DLGAP2: variants seen among roughly 807,000 people sequenced by gnomAD.
The protein encoded by DLGAP2 is disks large-associated protein 2.
DLGAP2 carries 26 observed loss-of-function variants against 100.3 expected under a neutral mutation model. The observed-to-expected ratio is 0.26, with a 90% confidence interval of 0.19 to 0.36. The LOEUF (loss-of-function observed/expected upper bound fraction) is 0.36. Ranked by LOEUF, DLGAP2 falls within the 10% of genes least tolerant of loss-of-function variation. The probability of loss-of-function intolerance (pLI) is 1.00; values close to 1 mark genes in which losing one functional copy is unlikely to be tolerated. For missense variants in DLGAP2, 1,858 were observed against 1,453.2 expected (o/e 1.28, Z -4.53); for synonymous variants, 886 against 630.1 (o/e 1.41, Z -6.08).
At chr8:1,224,089 G>T (rs764461604) in intron 2 of DLGAP2, among the ~76,000 whole-genome samples, 1 of 152,168 alleles carries the variant, frequency 6.6e-6, no homozygotes, top group Admixed American at 6.5e-5. Flanking sequence ...TTGTGGCATC[G>T]TGGCAGACAG....
chr8:1,217,462 G>T (rs1330393983), intron 2 of DLGAP2, among the ~76,000 whole-genome samples: 1 of 152,104 alleles, frequency 6.6e-6, no homozygotes, highest in Non-Finnish European at 1.5e-5. Context: ...ATATTCTATT[G>T]GGTATATACC....
At chr8:1,494,825 C>T (rs1584953836) in intron 3 of DLGAP2, among the ~76,000 whole-genome samples, 1 of 152,246 alleles carries the variant, frequency 6.6e-6, no homozygotes, top group Non-Finnish European at 1.5e-5. Context: ...GAGCTCCAGC[C>T]ACGGGGTTGA....
At chr8:1,269,455 G>T (rs1291971420) in intron 3 of DLGAP2, among the ~76,000 whole-genome samples, 1 of 152,158 alleles carries the variant, frequency 6.6e-6, no homozygotes, top group Non-Finnish European at 1.5e-5. Context: ...TCCAGGGCTT[G>T]TGTTTACACA....
intron 6 of DLGAP2, among the ~76,000 whole-genome samples, chr8:1,583,796 C>T (rs1425349030): frequency 2.0e-5 from 3 of 152,064 alleles, no homozygotes; most frequent in Admixed American, 1.3e-4. Context: ...TGTTTGAGAC[C>T]CTCCACGCGC....
At position 1,527,808 on chromosome 8, in the gene DLGAP2, A is replaced by G. The variant is rs567781590; in HGVS notation, c.173-20818A>G. 9.3e-4 allele frequency among the ~76,000 whole-genome samples: 141 copies of G among 152,312 alleles called. 3 individuals carry two copies. The South Asian group carries it at 0.029, about 31-fold the overall frequency. ...ACAGTGCACGCGTTTAGCATCTCCC[A>G]GGACATGTGCTACCTGAAGCCCAAG... On this transcript the variant is annotated intron_variant, in intron 4 of 14. Transcript: ENST00000637795.
intron 2 of DLGAP2, among the ~76,000 whole-genome samples, chr8:1,078,069 G>C (rs1803683234): frequency 6.6e-6 from 1 of 152,088 alleles, no homozygotes; most frequent in Non-Finnish European, 1.5e-5. Context: ...ACCCGGTGAG[G>C]GTTACCTTCT....
chr8:1,522,631 G>A (rs1019136151), intron 4 of DLGAP2, among the ~76,000 whole-genome samples: 21 of 152,222 alleles, frequency 1.4e-4, no homozygotes, highest in Non-Finnish European at 2.6e-4. Flanking sequence ...TTAAGGGGAC[G>A]CCTGTAAAGT....
intron 8 of DLGAP2, among the ~76,000 whole-genome samples, chr8:1,634,547 C>G (rs1422047888): frequency 6.6e-6 from 1 of 152,220 alleles, no homozygotes; most frequent in Non-Finnish European, 1.5e-5. Flanking sequence ...GGCCAGTTCT[C>G]ATGCTCTGTC....
chr8:1,428,894 G>C (rs6558473), intron 3 of DLGAP2, among the ~76,000 whole-genome samples: 36,241 of 152,112 alleles, frequency 0.24, 4,475 homozygotes, highest in Middle Eastern at 0.31. Context: ...ACAGGACGTC[G>C]TCTCATGCCC....
chr8:894,965 G>A (rs1173966776), intron 1 of DLGAP2, among the ~76,000 whole-genome samples: 110 of 143,702 alleles, frequency 7.7e-4, no homozygotes, highest in Non-Finnish European at 1.4e-3. Flanking sequence ...GTGGGGTGGC[G>A]GATGGCAGGG....
Position 1,548,632 on chromosome 8 carries a change from A to T in DLGAP2, c.179A>T (p.Gln60Leu). ...CGTTTCTGTTTCCCCACAGACCCGCAGTACTCATGGTCGCCCACGCAGCAC... is the reference window on the plus strand; with the variant it reads ...CGTTTCTGTTTCCCCACAGACCCGCTGTACTCATGGTCGCCCACGCAGCAC... ...PGPAEEDLDP[Q>L]YSWSPTQHFN... Residue 60 changes from glutamine (Q) to leucine (L), a missense_variant, in exon 5 of 15, where the codon CAG (glutamine) becomes CTG (leucine). Gln to Leu is a moderately radical substitution (Grantham distance 113). Transcript: ENST00000637795. The T allele has an allele frequency of 6.5e-7, 1 of 1,535,732 alleles. No individual in the cohort carries two copies. Among genetic ancestry groups the T allele is most frequent in the Non-Finnish European group, 8.8e-7 (1 of 1,142,532 alleles).
chr8:1,241,289 C>G (rs1206677611), intron 2 of DLGAP2, among the ~76,000 whole-genome samples: 1 of 151,790 alleles, frequency 6.6e-6, no homozygotes, highest in Non-Finnish European at 1.5e-5. Flanking sequence ...GTGTCTCATT[C>G]TCTCACATGG....
intron 6 of DLGAP2, among the ~76,000 whole-genome samples, chr8:1,573,519 C>G (rs1325187414): frequency 6.6e-6 from 1 of 152,102 alleles, no homozygotes; most frequent in Non-Finnish European, 1.5e-5. Context: ...AGACCCCTGA[C>G]TGCCATCCGT....
intron 3 of DLGAP2, among the ~76,000 whole-genome samples, chr8:1,298,826 C>A (rs1002789826): frequency 6.6e-6 from 1 of 152,198 alleles, no homozygotes; most frequent in Admixed American, 6.5e-5. Flanking sequence ...CGTGGCAGCT[C>A]ATGAACAGGT....
chr8:1,233,338 C>A (rs1798576401), intron 2 of DLGAP2, among the ~76,000 whole-genome samples: 1 of 152,236 alleles, frequency 6.6e-6, no homozygotes, highest in African/African-American at 2.4e-5. Context: ...TGAGTCAGGC[C>A]TGGCCTGTGC....
chr8:856,805 G>A (rs60297169), intron 1 of DLGAP2, among the ~76,000 whole-genome samples: 3,758 of 152,314 alleles, frequency 0.025, 158 homozygotes, highest in African/African-American at 0.084. Flanking sequence ...TTTTCTTAAC[G>A]TGTTCTATAC....
At chr8:1,226,602 A>T (rs115824574) in intron 2 of DLGAP2, among the ~76,000 whole-genome samples, 1,536 of 152,308 alleles carry the variant, frequency 0.01, 30 homozygotes, top group African/African-American at 0.035. Flanking sequence ...TGTCGTGTAC[A>T]TGTATCCTGG....
intron 2 of DLGAP2, among the ~76,000 whole-genome samples, chr8:1,095,178 C>T (rs1487980100): frequency 6.6e-6 from 1 of 152,168 alleles, no homozygotes; most frequent in Non-Finnish European, 1.5e-5. Flanking sequence ...GATGAAGATG[C>T]CGTGGTCACC....
chr8:1,166,036 A>T (rs1465720102), intron 2 of DLGAP2, among the ~76,000 whole-genome samples: 1 of 152,246 alleles, frequency 6.6e-6, no homozygotes, highest in African/African-American at 2.4e-5. Context: ...ATCTCCCGTC[A>T]GTAACCCATG....
Sources: allele counts gnomAD v4.1 joint callset (sites outside exome capture counted in the v4.1 genomes callset), GRCh38; gene constraint gnomAD v4.1.1; transcripts MANE v1.5; gene names NCBI Gene and HGNC (gene_info 2026-07-23, HGNC 2026-07-21).